RB1: variants seen among roughly 807,000 people sequenced by gnomAD.
RB1 encodes the protein RB transcriptional corepressor 1.
RB1 carries 18 observed loss-of-function variants against 135.4 expected under a neutral mutation model. The ratio of observed to expected loss-of-function variants is 0.13; its 90% CI spans 0.09 to 0.20. RB1 has a LOEUF of 0.20. Among genes scored for constraint, RB1 ranks in the 10% least tolerant of loss-of-function variants. The pLI is 1.00. For synonymous variants in RB1, 365 were observed against 373.2 expected, an observed-to-expected ratio of 0.98 and a Z score of 0.25; for missense variants, 868 against 1,110.0, an observed-to-expected ratio of 0.78 and a Z score of 3.10.
chr13:48,416,626 C>T (rs1161481980), intron 17 of RB1: 2 of 152,372 alleles, frequency 1.3e-5, no homozygotes, highest in African/African-American at 4.8e-5. Flanking sequence ...GCCAGGGAGC[C>T]AAGTGGTCTA....
intron 17 of RB1, among the ~76,000 whole-genome samples, chr13:48,403,897 AG>A (rs760392051): frequency 9.2e-5 from 14 of 152,112 alleles, no homozygotes; most frequent in Non-Finnish European, 1.8e-4. Flanking sequence ...GCTACTTGGG[AG>A]GCTGAGGAGG....
At chr13:48,393,182 T>A (rs911854893) in intron 17 of RB1, among the ~76,000 whole-genome samples, 31 of 152,224 alleles carry the variant, frequency 2.0e-4, no homozygotes, top group Non-Finnish European at 3.7e-4. Flanking sequence ...AGTAGTATCA[T>A]CACATCCATG....
chr13:48,350,582 T>A (rs1174833585), intron 6 of RB1, among the ~76,000 whole-genome samples: 7 of 152,098 alleles, frequency 4.6e-5, no homozygotes, highest in Non-Finnish European at 7.4e-5. Context: ...CATCTTTTTT[T>A]AAAAAAACTT....
chr13:48,305,656 C>G (rs1403642789), intron 1 of RB1, among the ~76,000 whole-genome samples: 1 of 152,170 alleles, frequency 6.6e-6, no homozygotes, highest in African/African-American at 2.4e-5. Context: ...AAAAAATTCT[C>G]TTATAAGTCA....
intron 17 of RB1, among the ~76,000 whole-genome samples, chr13:48,431,237 C>A (rs1036954922): frequency 1.1e-4 from 16 of 151,904 alleles, no homozygotes; most frequent in African/African-American, 3.6e-4. Context: ...TTTTAGGTAC[C>A]CAAATTTAAT....
chr13:48,472,771 C>G (rs1179244180), intron 23 of RB1, among the ~76,000 whole-genome samples: 1 of 152,078 alleles, frequency 6.6e-6, no homozygotes, highest in Admixed American at 6.5e-5. Context: ...AAAAAAATCT[C>G]TATATTCACT....
intron 2 of RB1, among the ~76,000 whole-genome samples, chr13:48,313,745 CTTTTTTTTT>C (rs56131979): frequency 2.0e-5 from 2 of 101,962 alleles, no homozygotes; most frequent in East Asian, 3.1e-4. Context: ...TATGTTTATT[CTTTTTTTTT>C]TTTTTTTTTT....
intron 2 of RB1, among the ~76,000 whole-genome samples, chr13:48,336,856 T>G (rs1952390020): frequency 6.6e-6 from 1 of 152,224 alleles, no homozygotes; most frequent in Non-Finnish European, 1.5e-5. Flanking sequence ...GCTTTACATG[T>G]GTCCCAGAGA....
In RB1 at chr13:48,476,907, A is replaced by G. The variant is rs2138359941; in HGVS notation, c.2663+64A>G. 4 of 1,580,564 alleles carry G rather than the reference A, an allele frequency of 2.5e-6. No individual in the cohort carries two copies. The East Asian group carries it at 9.0e-5, about 35-fold the overall frequency. On this transcript the variant is annotated intron_variant, in intron 25 of 26. Transcript: ENST00000267163. ...GGTCATCTGGGGAATCCAGAGTCTC[A>G]GCACTGCTCCTGGCTTATACCAATT...
At position 48,480,153 on chromosome 13, in the gene RB1, T is replaced by G. The variant is rs1211475380; in HGVS notation, c.*82T>G. ...GATGTGACTGTATAACTTTCCCAGG[T>G]TCTGTTTATGGCCACATTTAATATC... On this transcript the variant is annotated 3_prime_UTR_variant, in exon 27 of 27. Transcript: ENST00000267163. 6 of 1,204,880 alleles carry G rather than the reference T, an allele frequency of 5.0e-6. No homozygotes were observed. The highest frequency in any genetic ancestry group is 6.1e-6 in the Non-Finnish European group (5 of 818,582). 74.6% of individuals were successfully genotyped at this position (1,204,880 alleles called of 1,614,324 possible).
chr13:48,411,746 C>G, intron 17 of RB1: 1 of 1,609,890 alleles, frequency 6.2e-7, no homozygotes, highest in South Asian at 1.1e-5. Context: ...TTTTTAAAAC[C>G]TTAGTTTTGT....
chr13:48,441,177 G>T (rs913256376), intron 17 of RB1, among the ~76,000 whole-genome samples: 1 of 152,218 alleles, frequency 6.6e-6, no homozygotes, highest in South Asian at 2.1e-4. Context: ...TCTGGCGGAG[G>T]CCTGTTTCCT....
chr13:48,373,866 C>T (rs1346922397), intron 12 of RB1, among the ~76,000 whole-genome samples: 1 of 151,788 alleles, frequency 6.6e-6, no homozygotes, highest in African/African-American at 2.4e-5. Flanking sequence ...ATTTTCTTTA[C>T]CCTTATTTTT....
intron 9 of RB1, among the ~76,000 whole-genome samples, chr13:48,365,720 T>A (rs1035206748): frequency 2.6e-5 from 4 of 152,186 alleles, no homozygotes; most frequent in Non-Finnish European, 5.9e-5. Flanking sequence ...TGAATTAATT[T>A]ATTAATTCAA....
chr13:48,405,866 T>C (rs1381269126), intron 17 of RB1, among the ~76,000 whole-genome samples: 1 of 152,248 alleles, frequency 6.6e-6, no homozygotes, highest in Non-Finnish European at 1.5e-5. Context: ...ATTTTGCCTT[T>C]TTCTTATACA....
intron 17 of RB1, among the ~76,000 whole-genome samples, chr13:48,407,562 G>A (rs2138190431): frequency 6.6e-6 from 1 of 152,298 alleles, no homozygotes; most frequent in Non-Finnish European, 1.5e-5. Context: ...AGAGATTTTA[G>A]GAGTTATGTA....
chr13:48,412,265 T>C, intron 17 of RB1: 4 of 1,614,086 alleles, frequency 2.5e-6, no homozygotes, highest in Non-Finnish European at 3.4e-6. Flanking sequence ...TCATGTAAGT[T>C]GTAGTTTCAT....
In RB1 at chr13:48,385,660, AT is replaced by A. The variant is rs1948565880; in HGVS notation, c.1695+4219del. Reference sequence around the variant, plus strand: ...CCAGATTCTGTCTGAAATCTGAATAATTCCTGTGTGTCACAGACTCAGAGCA... The same window carrying A: ...CCAGATTCTGTCTGAAATCTGAATAATCCTGTGTGTCACAGACTCAGAGCA... On this transcript the variant is annotated intron_variant, in intron 17 of 26. Transcript: ENST00000267163. Among the ~76,000 whole-genome samples the A allele has an allele frequency of 3.3e-5, 5 of 152,264 alleles. No individual in the cohort carries two copies. The South Asian group carries it at 1.0e-3, about 32-fold the overall frequency.
intron 17 of RB1, among the ~76,000 whole-genome samples, chr13:48,414,175 C>T (rs1394078460): frequency 6.6e-6 from 1 of 151,900 alleles, no homozygotes; most frequent in African/African-American, 2.4e-5. Context: ...TGGCGAAACC[C>T]CATCTCTACC....
Sources: gnomAD v4.1 joint callset for allele counts (sites outside exome capture counted in the v4.1 genomes callset) on GRCh38, gnomAD v4.1.1 for gene constraint, MANE v1.5 for transcripts, NCBI Gene and HGNC (gene_info 2026-07-23, HGNC 2026-07-21) for gene names.